VPS35L: variants seen among roughly 807,000 people sequenced by gnomAD.
VPS35L encodes the protein VPS35 endosomal protein-sorting factor-like.
A neutral mutation model predicts 133.0 loss-of-function variants in VPS35L; 83 were observed. The observed-to-expected ratio is 0.62, with a 90% CI of 0.52 to 0.75. The LOEUF is 0.75. Among genes scored for constraint, VPS35L ranks in the 30% least tolerant of loss-of-function variants. The pLI is 0.00. For missense variants in VPS35L, 1,083 were observed against 1,206.8 expected, an observed-to-expected ratio of 0.90 and a Z score of 1.52; for synonymous variants, 423 against 449.9, an observed-to-expected ratio of 0.94 and a Z score of 0.76.
rs1218731699 is a variant in VPS35L, at chr16:19,699,209, G to A, written c.2647-293G>A. Among the ~76,000 whole-genome samples, 3 of 152,146 alleles carry A rather than the reference G, an allele frequency of 2.0e-5. No individual in the cohort carries two copies. The highest frequency in any genetic ancestry group is 2.0e-4 in the Admixed American group (3 of 15,274). On this transcript the variant is annotated intron_variant, in intron 29 of 30. Coordinates refer to ENST00000417362, the MANE Select transcript of VPS35L (RefSeq NM_020314.7). This position sits in a 1 kb window ranked among gnomAD's most constrained non-coding sequence, Gnocchi z 4.2. ...CCTGCTGGGGTACCCTTCATTCCTC[G>A]ACCTCACTGACTGGTGAGTTTCTTC... is the stretch of plus-strand genomic sequence containing the variant.
intron 5 of VPS35L, among the ~76,000 whole-genome samples, chr16:19,575,861 A>T (rs9673568): frequency 0.08 from 11,605 of 144,180 alleles, 1,079 homozygotes; most frequent in African/African-American, 0.24. Context: ...GTATTAAAAA[A>T]ATATATATAT....
intron 29 of VPS35L, among the ~76,000 whole-genome samples, chr16:19,697,462 G>A (rs1261137674): frequency 6.6e-6 from 1 of 152,140 alleles, no homozygotes; most frequent in Non-Finnish European, 1.5e-5. Context: ...AGCCTCCTGA[G>A]TAGCTGGGAC....
At chr16:19,693,968 A>C (rs921730030) in intron 29 of VPS35L, 3 of 151,928 alleles carry the variant, frequency 2.0e-5, no homozygotes, top group African/African-American at 7.3e-5. Context: ...AGAAAAAAAA[A>C]AAAAAAAAGA....
intron 26 of VPS35L, among the ~76,000 whole-genome samples, chr16:19,653,364 G>A (rs886463589): frequency 6.6e-6 from 1 of 152,224 alleles, no homozygotes; most frequent in Non-Finnish European, 1.5e-5. Context: ...TTTATGGAGT[G>A]TTTGTTATGT....
intron 6 of VPS35L, among the ~76,000 whole-genome samples, chr16:19,580,877 T>G (rs533020904): frequency 4.6e-5 from 7 of 152,280 alleles, no homozygotes; most frequent in Admixed American, 3.3e-4. Flanking sequence ...TCTCTGAAAT[T>G]GGGGTATATG....
chr16:19,649,745 C>G (rs1452387187), intron 24 of VPS35L, among the ~76,000 whole-genome samples: 1 of 152,166 alleles, frequency 6.6e-6, no homozygotes, highest in Non-Finnish European at 1.5e-5. Flanking sequence ...CATGTCTATT[C>G]AAGGAGAATA....
chr16:19,652,003 ATCCCCTCCC>A lies in VPS35L; in HGVS notation c.2136_2144del (p.Ile712_Leu715delinsMet). ...CTGTGTTGCCTACTGCTTCATCACC[ATCCCCTCCC>A]TGGCGGGCATCTTCACACGTCTCAA... On this transcript the variant is annotated inframe_deletion, in exon 26 of 31. Coordinates refer to ENST00000417362, the MANE Select transcript of VPS35L (RefSeq NM_020314.7). The A allele has an allele frequency of 6.2e-7, 1 of 1,613,254 alleles. No individual in the cohort carries two copies. Among genetic ancestry groups the A allele is most frequent in the Non-Finnish European group, 8.5e-7 (1 of 1,179,506 alleles).
At chr16:19,694,899 G>T (rs1975849184) in intron 29 of VPS35L, among the ~76,000 whole-genome samples, 1 of 152,042 alleles carries the variant, frequency 6.6e-6, no homozygotes, top group Non-Finnish European at 1.5e-5. Flanking sequence ...CCAGCTACTT[G>T]GGAGGCTGAG....
In VPS35L at chr16:19,642,395, G is replaced by A; in HGVS notation, c.1785-1G>A. 6.2e-7 allele frequency: 1 copy of A among 1,613,172 alleles called. No individual in the cohort carries two copies. The highest frequency in any genetic ancestry group is 8.5e-7 in the Non-Finnish European group (1 of 1,179,396). ...GACTTTTATCTTTAAATGTCTCCTA[G>A]GCATCAACAAGAGCCCACCAAGGAC... is the stretch of plus-strand genomic sequence containing the variant. On this transcript the variant is annotated splice_acceptor_variant, in intron 21 of 30. Coordinates refer to ENST00000417362, the MANE Select transcript of VPS35L (RefSeq NM_020314.7). LOFTEE classifies it high-confidence loss of function.
At position 19,682,516 on chromosome 16, in the gene VPS35L, G is replaced by A. The variant is rs185189844; in HGVS notation, c.2527+126G>A. ...TAGCTTCCATGAACTTCTAGTCCAG[G>A]GTCTCACTGTATTTACCTGATCTAA... On this transcript the variant is annotated intron_variant, in intron 28 of 30. Transcript: ENST00000417362. 6,675 of 1,075,330 alleles carry A rather than the reference G, an allele frequency of 6.2e-3. 38 individuals are homozygous for A. The highest frequency in any genetic ancestry group is 8.0e-3 in the Non-Finnish European group (6,054 of 759,366). 66.6% of individuals were successfully genotyped at this position (1,075,330 alleles called of 1,614,324 possible). A position where few individuals can be genotyped will look rare whatever the true frequency, so the allele number is the denominator to read the frequency against.
chr16:19,593,917 C>CAA (rs776234597), intron 8 of VPS35L, among the ~76,000 whole-genome samples: 1 of 123,916 alleles, frequency 8.1e-6, no homozygotes, highest in African/African-American at 3.0e-5. Flanking sequence ...ACTCCGTCTC[C>CAA]AAAAAAAAAA....
At chr16:19,610,215 T>C (rs1029620273) in intron 11 of VPS35L, 107 bp from the exon 12 acceptor site, 10 of 940,786 alleles carry the variant, frequency 1.1e-5, no homozygotes, top group African/African-American at 8.2e-5. Context: ...AACTTGATTT[T>C]TCCCCCCCTC....
chr16:19,699,472 C>T lies in VPS35L; in HGVS notation c.2647-30C>T. On this transcript the variant is annotated intron_variant, in intron 29 of 30. Coordinates refer to ENST00000417362, the MANE Select transcript of VPS35L (RefSeq NM_020314.7). The surrounding 1 kb of genome is among the most constrained non-coding windows in gnomAD (Gnocchi z 4.2). The stretch of plus-strand genomic sequence containing the variant: ...GCGGGGCACGGCCTGAGCCCCAGTG[C>T]AAGGCAGTAACCTCCCTTTTCTGTT... The T allele has an allele frequency of 6.2e-7, 1 of 1,613,050 alleles. No homozygotes were observed. The highest frequency in any genetic ancestry group is 8.5e-7 in the Non-Finnish European group (1 of 1,179,352).
At chr16:19,641,878 A>G (rs1035609811) in intron 21 of VPS35L, among the ~76,000 whole-genome samples, 2 of 152,194 alleles carry the variant, frequency 1.3e-5, no homozygotes, top group African/African-American at 4.8e-5. Flanking sequence ...TGCAGTTAGG[A>G]GAAGTTATCA....
At chr16:19,640,125 A>G in intron 21 of VPS35L, 25 bp downstream of exon 21, 1 of 1,598,006 alleles carries the variant, frequency 6.3e-7, no homozygotes. Flanking sequence ...GTGCAGCAGA[A>G]GCCTTGATTC....
chr16:19,610,504 G>C, intron 12 of VPS35L, 89 bp downstream of exon 12: 1 of 919,512 alleles, frequency 1.1e-6, no homozygotes, highest in South Asian at 1.7e-5. Flanking sequence ...CCACCACCCC[G>C]CAAGTCATTG....
chr16:19,643,374 C>T (rs1247328080), intron 22 of VPS35L, among the ~76,000 whole-genome samples: 2 of 152,070 alleles, frequency 1.3e-5, no homozygotes, highest in African/African-American at 4.8e-5. Flanking sequence ...GTAGACAGAC[C>T]AGAAGGTAGG....
intron 24 of VPS35L, among the ~76,000 whole-genome samples, chr16:19,648,632 C>T (rs570722180): frequency 6.6e-6 from 1 of 152,200 alleles, no homozygotes; most frequent in South Asian, 2.1e-4. Context: ...CTTTGGGAGT[C>T]TGAGGCTAGC....
chr16:19,612,453 C>T (rs1373380414), intron 12 of VPS35L, among the ~76,000 whole-genome samples: 1 of 151,968 alleles, frequency 6.6e-6, no homozygotes, highest in Non-Finnish European at 1.5e-5. Flanking sequence ...AGGGTGTCAC[C>T]ATGTTGGCTA....
Sources: gnomAD v4.1 joint callset for allele counts (sites outside exome capture counted in the v4.1 genomes callset) on GRCh38, gnomAD v4.1.1 for gene constraint, Gnocchi (gnomAD v3.1) non-coding constraint, MANE v1.5 for transcripts, NCBI Gene and HGNC (gene_info 2026-07-23, HGNC 2026-07-21) for gene names.